The following TM9SF3 variants were observed in gnomAD, a reference collection of about 807,000 sequenced individuals.
TM9SF3 encodes SM-11044-binding protein.
Under a neutral mutation model 78.6 loss-of-function variants are expected in TM9SF3, and 14 were observed. The ratio of observed to expected loss-of-function variants is 0.18; its 90% CI spans 0.12 to 0.28. TM9SF3 has a LOEUF of 0.28. Among genes scored for constraint, TM9SF3 ranks in the 10% least tolerant of loss-of-function variants. TM9SF3 has a pLI of 1.00. For missense variants in TM9SF3, 496 were observed against 721.9 expected (o/e 0.69, Z 3.59); for synonymous variants, 231 against 241.7 (o/e 0.96, Z 0.41).
intron 9 of TM9SF3, among the ~76,000 whole-genome samples, chr10:96,534,554 A>AT (rs1847933899): frequency 6.6e-6 from 1 of 152,112 alleles, no homozygotes; most frequent in Non-Finnish European, 1.5e-5. Flanking sequence ...AGACCTATAT[A>AT]TTTTTCCCTT....
At chr10:96,584,911 G>C (rs1333938915) in intron 1 of TM9SF3, among the ~76,000 whole-genome samples, 1 of 152,124 alleles carries the variant, frequency 6.6e-6, no homozygotes, top group Non-Finnish European at 1.5e-5. Context: ...TTTTTGTCTA[G>C]CAACCATCTC....
At chr10:96,539,229 G>A (rs1046784279) in intron 9 of TM9SF3, among the ~76,000 whole-genome samples, 1 of 152,092 alleles carries the variant, frequency 6.6e-6, no homozygotes, top group Non-Finnish European at 1.5e-5. Context: ...GCAGCACTTT[G>A]GGAGGCCAAG....
rs1346098635 is a variant in TM9SF3, at chr10:96,521,139, C to T, written c.*1124G>A. 1.6e-5 allele frequency: 6 copies of T among 366,850 alleles called. No individual in the cohort carries two copies. Among genetic ancestry groups the T allele is most frequent in the African/African-American group, 1.3e-4 (6 of 47,686 alleles). The allele number at this position is 366,850 out of a possible 1,614,324, so 22.7% of individuals were successfully genotyped here. A position where few individuals can be genotyped will look rare whatever the true frequency, so the allele number is the denominator to read the frequency against. ...AAATAAACAGAAGAAAACAACCCCC[C>T]TCCCAAAAGAAGTATGACACACACA... On this transcript the variant is annotated 3_prime_UTR_variant, in exon 15 of 15. Transcript: ENST00000371142.
chr10:96,562,937 CTTTA>C (rs1241141426), intron 3 of TM9SF3, among the ~76,000 whole-genome samples: 1 of 152,042 alleles, frequency 6.6e-6, no homozygotes, highest in Admixed American at 6.5e-5. Flanking sequence ...TCCCCCTACG[CTTTA>C]GTAAGTATTA....
chr10:96,552,787 T>C, intron 6 of TM9SF3, 141 bp downstream of exon 6: 1 of 768,762 alleles, frequency 1.3e-6, no homozygotes, highest in Non-Finnish European at 1.8e-6. Flanking sequence ...ACTGGGCATT[T>C]TACATCTTTC....
At chr10:96,580,938 AG>A (rs1269083026) in intron 1 of TM9SF3, among the ~76,000 whole-genome samples, 2 of 152,236 alleles carry the variant, frequency 1.3e-5, no homozygotes, top group Non-Finnish European at 2.9e-5. Flanking sequence ...CAAGTTTAAA[AG>A]GTTAGTATTT....
At chr10:96,549,680 C>T (rs1202615666) in intron 7 of TM9SF3, among the ~76,000 whole-genome samples, 1 of 151,910 alleles carries the variant, frequency 6.6e-6, no homozygotes, top group Non-Finnish European at 1.5e-5. Flanking sequence ...TTCAAATAAA[C>T]ACAACACAGA....
In TM9SF3 at chr10:96,522,032, G is replaced by A; in HGVS notation, c.*231C>T. ...AAGATTAGCCATGTACTGTAGTAATGCCTACTGCATAAAATCCAAGCATTT... is the reference window on the plus strand; with the variant it reads ...AAGATTAGCCATGTACTGTAGTAATACCTACTGCATAAAATCCAAGCATTT... On this transcript the variant is annotated 3_prime_UTR_variant, in exon 15 of 15. Coordinates refer to ENST00000371142, the MANE Select transcript of TM9SF3 (RefSeq NM_020123.4). 3.9e-6 allele frequency: 2 copies of A among 509,858 alleles called. No individual in the cohort carries two copies. Among genetic ancestry groups the A allele is most frequent in the African/African-American group, 2.0e-5 (1 of 49,282 alleles). The allele number at this position is 509,858 out of a possible 1,614,324, so 31.6% of individuals were successfully genotyped here.
Position 96,551,333 on chromosome 10 carries a change from A to T in TM9SF3, c.871T>A (p.Phe291Ile), listed in dbSNP as rs767125607. The stretch of plus-strand genomic sequence containing the variant: ...CATCCAGAACCAATCAGAGAGGAAA[A>T]TATCAGTGGGTGACTTGATGGTCTA... ...VFRPSSHPLI[F>I]SSLIGSGCQI... The change falls in exon 7 of 15, where the codon TTT becomes ATT. Residue 291 changes from phenylalanine (F) to isoleucine (I), a missense_variant. This residue lies in a region of TM9SF3 where 280 missense variants were observed against 422.6 expected (regional missense o/e 0.66). Transcript: ENST00000371142. 6.2e-7 allele frequency: 1 copy of T among 1,612,986 alleles called. No individual in the cohort carries two copies. Among genetic ancestry groups the T allele is most frequent in the African/African-American group, 1.3e-5 (1 of 74,896 alleles).
chr10:96,578,550 CA>C (rs1332350337), intron 1 of TM9SF3, among the ~76,000 whole-genome samples: 1 of 152,144 alleles, frequency 6.6e-6, no homozygotes, highest in Non-Finnish European at 1.5e-5. Flanking sequence ...AGTAATGAAT[CA>C]AAGGTCTAAA....
chr10:96,532,227 T>A (rs1589447458), intron 10 of TM9SF3, among the ~76,000 whole-genome samples: 2 of 150,850 alleles, frequency 1.3e-5, no homozygotes, highest in Non-Finnish European at 3.0e-5. Context: ...ATAATAATAA[T>A]AAAATAAATA....
chr10:96,569,658 G>C (rs919840274), intron 2 of TM9SF3, among the ~76,000 whole-genome samples: 1 of 152,184 alleles, frequency 6.6e-6, no homozygotes, highest in Non-Finnish European at 1.5e-5. Flanking sequence ...ATTCAGAGAT[G>C]TACTGAAATA....
chr10:96,566,272 T>C (rs1848369177), intron 2 of TM9SF3, among the ~76,000 whole-genome samples: 2 of 152,260 alleles, frequency 1.3e-5, no homozygotes, highest in Admixed American at 1.3e-4. Context: ...ACTATATTTG[T>C]ACTATAATAT....
intron 9 of TM9SF3, among the ~76,000 whole-genome samples, chr10:96,533,660 T>C (rs933021294): frequency 2.0e-5 from 3 of 152,186 alleles, no homozygotes; most frequent in African/African-American, 7.2e-5. Context: ...CATAATTGCA[T>C]AGCTAGTGGA....
Position 96,565,395 on chromosome 10 carries a change from A to C in TM9SF3, c.330T>G (p.Ile110Met). 2 of 1,555,704 alleles carry C rather than the reference A, an allele frequency of 1.3e-6. No homozygotes were observed. Among genetic ancestry groups the C allele is most frequent in the Non-Finnish European group, 1.7e-6 (2 of 1,160,706 alleles). ...CATCTCTCTTTTCTTTATCTAAATC[A>C]ATTTCACAGTAAGTGGCTGGCATCA... Reference protein sequence around the residue: ...DDVMPATYCEIDLDKEKRDAF... With the variant: ...DDVMPATYCEMDLDKEKRDAF... The change falls in exon 3 of 15, where the codon ATT becomes ATG. Residue 110 changes from isoleucine to methionine, a missense_variant. Around this residue, in one of 4 missense-constraint regions of TM9SF3, gnomAD observed 155 missense variants for 241.6 expected, o/e 0.64. Transcript: ENST00000371142.
chr10:96,552,222 C>T (rs1348263578), intron 6 of TM9SF3, among the ~76,000 whole-genome samples: 2 of 152,076 alleles, frequency 1.3e-5, no homozygotes, highest in East Asian at 3.9e-4. Flanking sequence ...GAGGCCAAGG[C>T]AGGAAGATCG....
rs536705220 is a variant in TM9SF3 at position 96,521,804 on chromosome 10, T to TA, written c.*458dup. On this transcript the variant is annotated 3_prime_UTR_variant, in exon 15 of 15. Coordinates refer to ENST00000371142, the MANE Select transcript of TM9SF3 (RefSeq NM_020123.4). Reference sequence around the variant, plus strand: ...AATAGGTCGACAATGGCAGTAAAAATAAGAGGAAAAAAGTAATCTTTCTGG... The same window carrying TA: ...AATAGGTCGACAATGGCAGTAAAAATAAAGAGGAAAAAAGTAATCTTTCTGG... The TA allele has an allele frequency of 0.013, 1,987 of 151,596 alleles. 34 individuals carry two copies. Among genetic ancestry groups the TA allele is most frequent in the Non-Finnish European group, 0.016 (1,076 of 67,562 alleles). 9.4% of individuals were successfully genotyped at this position (151,596 alleles called of 1,614,324 possible). A position where few individuals can be genotyped will look rare whatever the true frequency, so the allele number is the denominator to read the frequency against.
At chr10:96,560,076 A>T (rs989128046) in intron 4 of TM9SF3, 1 of 587,324 alleles carries the variant, frequency 1.7e-6, no homozygotes, top group South Asian at 1.9e-5. Flanking sequence ...TTAAAATAAG[A>T]ATCTGTACAT....
intron 9 of TM9SF3, among the ~76,000 whole-genome samples, chr10:96,534,774 G>GAT (rs958625621): frequency 3.3e-5 from 5 of 152,068 alleles, no homozygotes; most frequent in Admixed American, 3.3e-4. Flanking sequence ...ACTGTAATAA[G>GAT]ATATATATAG....
Sources: allele counts gnomAD v4.1 joint callset (sites outside exome capture counted in the v4.1 genomes callset), GRCh38; gene constraint gnomAD v4.1.1; regional missense constraint gnomAD v4.1.1; transcripts MANE v1.5; gene names NCBI Gene and HGNC (gene_info 2026-07-23, HGNC 2026-07-21).